VDAC1: variants seen among roughly 807,000 people sequenced by gnomAD.
VDAC1 encodes the protein voltage dependent anion channel 1.
Under a neutral mutation model 34.7 loss-of-function variants are expected in VDAC1, and 10 were observed. The ratio of observed to expected loss-of-function variants is 0.29; its 90% CI spans 0.18 to 0.49. The LOEUF (loss-of-function observed/expected upper bound fraction) is 0.49. Among genes scored for constraint, VDAC1 ranks in the 20% least tolerant of loss-of-function variants. The pLI is 0.99. For missense variants in VDAC1, 230 were observed against 347.9 expected (o/e 0.66, Z 2.69); for synonymous variants, 130 against 136.0 (o/e 0.96, Z 0.30).
chr5:134,051,671 T>G, the VDAC1 span, among the ~76,000 whole-genome samples: 1 of 151,436 alleles, frequency 6.6e-6, no homozygotes. Context: ...GCAGTTTGTT[T>G]TTTTTTTTTT....
At chr5:134,042,858 A>T in the VDAC1 span, among the ~76,000 whole-genome samples, 1 of 152,120 alleles carries the variant, frequency 6.6e-6, no homozygotes, top group South Asian at 2.1e-4. Context: ...TCTTAATGAA[A>T]CTGGGCTCCC....
chr5:134,037,294 G>A, the VDAC1 span, among the ~76,000 whole-genome samples: 1 of 152,206 alleles, frequency 6.6e-6, no homozygotes, highest in Non-Finnish European at 1.5e-5. Flanking sequence ...GGGAACTGAG[G>A]ACTGAACTCT....
intron 1 of VDAC1, among the ~76,000 whole-genome samples, chr5:133,995,898 C>A (rs919844312): frequency 6.6e-6 from 1 of 152,228 alleles, no homozygotes. Flanking sequence ...AGGGTGCTGA[C>A]TTGAAGGCTG....
chr5:134,094,646 G>T, the VDAC1 span, among the ~76,000 whole-genome samples: 1 of 145,770 alleles, frequency 6.9e-6, no homozygotes, highest in Non-Finnish European at 1.5e-5. Flanking sequence ...GCAGTAAGCT[G>T]AGGTCGCGCC....
intron 1 of VDAC1, among the ~76,000 whole-genome samples, chr5:133,995,677 A>G (rs1278130228): frequency 6.6e-6 from 1 of 152,206 alleles, no homozygotes; most frequent in Non-Finnish European, 1.5e-5. Context: ...GACGGAACTA[A>G]GGAAGGCCCG....
intron 1 of VDAC1, among the ~76,000 whole-genome samples, chr5:133,994,383 G>A (rs1159946110): frequency 6.6e-6 from 1 of 152,226 alleles, no homozygotes; most frequent in East Asian, 1.9e-4. Flanking sequence ...CAGAAGAGCA[G>A]CGAGCTGTTT....
chr5:134,111,447 T>C, the VDAC1 span, among the ~76,000 whole-genome samples: 1 of 152,242 alleles, frequency 6.6e-6, no homozygotes, highest in East Asian at 1.9e-4. Flanking sequence ...CAGATTGCAC[T>C]CACTACCCTG....
the VDAC1 span, among the ~76,000 whole-genome samples, chr5:134,026,825 G>A: frequency 1.3e-5 from 2 of 152,206 alleles, no homozygotes; most frequent in African/African-American, 4.8e-5. Flanking sequence ...AAATTCTCAA[G>A]ACAGATTTTC....
At chr5:134,113,857 C>T in the VDAC1 span, among the ~76,000 whole-genome samples, 4 of 152,236 alleles carry the variant, frequency 2.6e-5, no homozygotes, top group Non-Finnish European at 4.4e-5. Flanking sequence ...AATGCGACTT[C>T]TAGGGTTGAG....
chr5:134,101,888 C>T, the VDAC1 span, among the ~76,000 whole-genome samples: 4 of 152,194 alleles, frequency 2.6e-5, no homozygotes, highest in East Asian at 5.8e-4. Flanking sequence ...CATTAGGCCC[C>T]GTGTTAGAGA....
chr5:134,049,795 T>C, the VDAC1 span, among the ~76,000 whole-genome samples: 1 of 151,980 alleles, frequency 6.6e-6, no homozygotes, highest in Non-Finnish European at 1.5e-5. Flanking sequence ...TGGCCAGGCT[T>C]GTCTCAAACT....
chr5:134,108,454 G>A, the VDAC1 span, among the ~76,000 whole-genome samples: 1 of 152,170 alleles, frequency 6.6e-6, no homozygotes, highest in African/African-American at 2.4e-5. Flanking sequence ...TACAGGATCT[G>A]GTACAGGTCC....
At chr5:134,086,409 GCTGAGGAAC>G in the VDAC1 span, among the ~76,000 whole-genome samples, 1 of 152,200 alleles carries the variant, frequency 6.6e-6, no homozygotes, top group Non-Finnish European at 1.5e-5. Flanking sequence ...AGATGCAGCA[GCTGAGGAAC>G]CTGGAACCTG....
At chr5:133,989,340 TTATATG>T (rs950854305) in intron 5 of VDAC1, 19 of 151,910 alleles carry the variant, frequency 1.3e-4, no homozygotes, top group African/African-American at 3.9e-4. Flanking sequence ...ATGTTAAGTT[TTATATG>T]TATATCTTAC....
At chr5:134,108,373 C>T in the VDAC1 span, among the ~76,000 whole-genome samples, 2 of 152,178 alleles carry the variant, frequency 1.3e-5, no homozygotes, top group Admixed American at 6.5e-5. Context: ...GATGAAGGTG[C>T]CATGATCCCA....
chr5:133,986,348 C>T (rs1015439629), intron 5 of VDAC1, among the ~76,000 whole-genome samples: 4 of 152,154 alleles, frequency 2.6e-5, no homozygotes, highest in African/African-American at 4.8e-5. Context: ...ACCACCAGAA[C>T]TTTCCTCAAA....
At chr5:134,004,767 A>C (rs1019975100) in intron 1 of VDAC1, 128 bp downstream of exon 1, 1 of 149,182 alleles carries the variant, frequency 6.7e-6, no homozygotes, top group African/African-American at 2.4e-5. Context: ...GGCGGCGCGG[A>C]CGGCGGCGGC....
the VDAC1 span, among the ~76,000 whole-genome samples, chr5:134,109,705 G>A: frequency 4.0e-5 from 6 of 151,272 alleles, no homozygotes; most frequent in African/African-American, 1.5e-4. Flanking sequence ...GGGAGGCAGA[G>A]GTTGCAGTGA....
At chr5:134,101,206 C>A in the VDAC1 span, among the ~76,000 whole-genome samples, 1 of 152,240 alleles carries the variant, frequency 6.6e-6, no homozygotes, top group Admixed American at 6.5e-5. Flanking sequence ...TCAAATCCTG[C>A]TCCTCTCAGT....
Sources: allele counts gnomAD v4.1 joint callset (sites outside exome capture counted in the v4.1 genomes callset), GRCh38; gene constraint gnomAD v4.1.1; transcripts MANE v1.5; gene names NCBI Gene and HGNC (gene_info 2026-07-23, HGNC 2026-07-21).